The following CFAP44 variants were observed in gnomAD, a reference collection of about 807,000 sequenced individuals.
CFAP44 encodes the protein cilia and flagella associated protein 44, also known as cilia- and flagella-associated protein 44.
CFAP44 carries 134 observed loss-of-function variants against 216.2 expected under a neutral mutation model. That is an observed-to-expected ratio of 0.62 (90% CI 0.54 to 0.72). The LOEUF (loss-of-function observed/expected upper bound fraction) is 0.72, where lower values mean the gene tolerates loss of function less well. CFAP44 is among the 30% of genes least tolerant of loss of function. The pLI is 0.00. For synonymous variants in CFAP44, 700 were observed against 727.6 expected, an observed-to-expected ratio of 0.96 and a Z score of 0.61; for missense variants, 2,035 against 2,182.1, an observed-to-expected ratio of 0.93 and a Z score of 1.34.
chr3:113,415,460 G>A (rs1009584342), intron 6 of CFAP44, among the ~76,000 whole-genome samples: 6 of 152,144 alleles, frequency 3.9e-5, no homozygotes, highest in Admixed American at 3.9e-4. Context: ...ATGTTAGGGT[G>A]TCAATCTGAG....
At position 113,395,917 on chromosome 3, in the gene CFAP44, G is replaced by T. The variant is rs551884574; in HGVS notation, c.1780-57C>A. ...ATATTACTATGAAATCTAGCCTATA[G>T]ATCACAAAAAAGCATGTAATAACAT... On this transcript the variant is annotated intron_variant, in intron 14 of 34. Transcript: ENST00000393845. 8.6e-5 allele frequency: 114 copies of T among 1,321,298 alleles called. No individual in the cohort carries two copies. The East Asian group carries it at 2.5e-3, about 29-fold the overall frequency. 81.8% of individuals were successfully genotyped at this position (1,321,298 alleles called of 1,614,324 possible).
At chr3:113,414,895 T>C (rs1487714931) in intron 6 of CFAP44, among the ~76,000 whole-genome samples, 1 of 151,986 alleles carries the variant, frequency 6.6e-6, no homozygotes, top group African/African-American at 2.4e-5. Context: ...TAGGAAGGAG[T>C]CTCTCCTTTT....
At chr3:113,435,462 C>CA (rs1366628974) in intron 1 of CFAP44, among the ~76,000 whole-genome samples, 1 of 152,086 alleles carries the variant, frequency 6.6e-6, no homozygotes, top group African/African-American at 2.4e-5. Context: ...TAACTGCCCC[C>CA]ATGATTCAGT....
intron 28 of CFAP44, among the ~76,000 whole-genome samples, chr3:113,312,709 A>T (rs1950051620): frequency 6.6e-6 from 1 of 152,158 alleles, no homozygotes; most frequent in Non-Finnish European, 1.5e-5. Flanking sequence ...TGGTGCCCTG[A>T]ATCCCAGTCA....
chr3:113,436,248 A>T (rs545536910), intron 1 of CFAP44, among the ~76,000 whole-genome samples: 20 of 151,098 alleles, frequency 1.3e-4, no homozygotes, highest in East Asian at 9.7e-4. Flanking sequence ...TTTTTTTTTT[A>T]AATAAAGAAT....
chr3:113,338,612 C>A (rs1950302895), intron 24 of CFAP44, among the ~76,000 whole-genome samples: 1 of 152,076 alleles, frequency 6.6e-6, no homozygotes, highest in Non-Finnish European at 1.5e-5. Context: ...CAGTGTCTGT[C>A]AGGGTCTGAT....
chr3:113,359,659 T>C (rs1264994143), intron 21 of CFAP44, among the ~76,000 whole-genome samples: 1 of 152,172 alleles, frequency 6.6e-6, no homozygotes, highest in African/African-American at 2.4e-5. Flanking sequence ...ATTTTTTATA[T>C]GAAATTGGCA....
chr3:113,403,803 TACAAGTCTTAA>T (rs1364013206), intron 9 of CFAP44, 38 bp downstream of exon 9: 2 of 1,572,292 alleles, frequency 1.3e-6, no homozygotes, highest in African/African-American at 2.7e-5. Flanking sequence ...TTGGGTGAGC[TACAAGTCTTAA>T]ACGTGGGTGC....
At chr3:113,297,397 CTG>C (rs577585427) in intron 32 of CFAP44, among the ~76,000 whole-genome samples, 222 of 152,254 alleles carry the variant, frequency 1.5e-3, no homozygotes, top group Non-Finnish European at 2.4e-3. Context: ...CTGGCCACCT[CTG>C]TGCTTCTCAA....
At chr3:113,384,247 GAC>G (rs1358220421) in intron 15 of CFAP44, among the ~76,000 whole-genome samples, 7 of 152,048 alleles carry the variant, frequency 4.6e-5, no homozygotes, top group Non-Finnish European at 8.8e-5. Context: ...TTTTAGTAGA[GAC>G]AGAGTTTCAC....
chr3:113,333,143 C>T (rs972289882), intron 25 of CFAP44, among the ~76,000 whole-genome samples: 3 of 152,146 alleles, frequency 2.0e-5, no homozygotes, highest in African/African-American at 7.2e-5. Flanking sequence ...CCATCTATAA[C>T]CCCCAGATAT....
rs985306378 is a variant in CFAP44, at chr3:113,287,992, A to T, written c.*3565T>A. 5 of 152,224 alleles carry T rather than the reference A, an allele frequency of 3.3e-5. No individual in the cohort carries two copies. Among genetic ancestry groups the T allele is most frequent in the African/African-American group, 1.2e-4 (5 of 41,464 alleles). The allele number at this position is 152,224 out of a possible 1,614,324, so 9.4% of individuals were successfully genotyped here. On this transcript the variant is annotated 3_prime_UTR_variant, in exon 35 of 35. Coordinates refer to ENST00000393845, the MANE Select transcript of CFAP44 (RefSeq NM_001164496.2). ...TAGATTCTTTTTTAATTGAAATTTT[A>T]AAATCTTTATATGTGGAAGTGGAAT...
chr3:113,356,907 A>G (rs540834625), intron 22 of CFAP44, among the ~76,000 whole-genome samples: 4 of 151,160 alleles, frequency 2.6e-5, no homozygotes, highest in African/African-American at 9.9e-5. Flanking sequence ...AAACACACAC[A>G]CACATACACA....
intron 26 of CFAP44, 58 bp from the exon 27 acceptor site, chr3:113,327,877 A>G: frequency 6.9e-7 from 1 of 1,456,762 alleles, no homozygotes; most frequent in East Asian, 2.5e-5. Context: ...GCATTTTTAA[A>G]CTATCTAACA....
chr3:113,383,248 T>G (rs1220668516), intron 15 of CFAP44, among the ~76,000 whole-genome samples: 1 of 152,158 alleles, frequency 6.6e-6, no homozygotes, highest in Non-Finnish European at 1.5e-5. Context: ...ATGACAGAAA[T>G]TCATTTCTCA....
At position 113,288,592 on chromosome 3, in the gene CFAP44, C is replaced by G. The variant is rs1233555348; in HGVS notation, c.*2965G>C. The G allele has an allele frequency of 6.6e-6, 1 of 152,192 alleles. No individual in the cohort carries two copies. The highest frequency in any genetic ancestry group is 1.5e-5 in the Non-Finnish European group (1 of 68,078). The allele number at this position is 152,192 out of a possible 1,614,324, so 9.4% of individuals were successfully genotyped here. On this transcript the variant is annotated 3_prime_UTR_variant, in exon 35 of 35. Transcript: ENST00000393845. ...ATCTGAGCTGTAACTCACCTTCTAG[C>G]CCCACTGGTTTTTACATTTTTTCCT... is the stretch of plus-strand genomic sequence containing the variant.
chr3:113,308,207 ATCT>A lies in CFAP44; in HGVS notation c.4575_4577del (p.Glu1525del). ...AAACCTCATCTTCTGATTCAGACTC[ATCT>A]TCATCACTCTCCAAGCTAGATTCTT... On this transcript the variant is annotated inframe_deletion, in exon 29 of 35. Coordinates refer to ENST00000393845, the MANE Select transcript of CFAP44 (RefSeq NM_001164496.2). The A allele has an allele frequency of 6.5e-7, 1 of 1,536,512 alleles. No individual in the cohort carries two copies. The highest frequency in any genetic ancestry group is 8.7e-7 in the Non-Finnish European group (1 of 1,146,732).
chr3:113,398,124 G>A (rs1443717395), intron 13 of CFAP44, among the ~76,000 whole-genome samples: 3 of 152,156 alleles, frequency 2.0e-5, no homozygotes, highest in East Asian at 1.9e-4. Flanking sequence ...AATTTACTAC[G>A]TGTCTAAATG....
intron 23 of CFAP44, 92 bp downstream of exon 23, chr3:113,344,424 C>A: frequency 8.9e-7 from 1 of 1,122,026 alleles, no homozygotes; most frequent in Admixed American, 2.7e-5. Flanking sequence ...GAGCTCAAGC[C>A]ACCAAAGAAG....
Sources: gnomAD v4.1 joint callset for allele counts (sites outside exome capture counted in the v4.1 genomes callset) on GRCh38, gnomAD v4.1.1 for gene constraint, MANE v1.5 for transcripts, NCBI Gene and HGNC (gene_info 2026-07-23, HGNC 2026-07-21) for gene names.